SENP1: variants seen among roughly 807,000 people sequenced by gnomAD.
The protein encoded by SENP1 is SUMO specific peptidase 1.
SENP1 carries 21 observed loss-of-function variants against 93.0 expected under a neutral mutation model. The ratio of observed to expected loss-of-function variants is 0.23; its 90% CI spans 0.16 to 0.33. The LOEUF (loss-of-function observed/expected upper bound fraction) is 0.33, where lower values mean the gene tolerates loss of function less well. Among genes scored for constraint, SENP1 ranks in the 10% least tolerant of loss-of-function variants. SENP1 has a pLI of 1.00. For synonymous variants in SENP1, 256 were observed against 259.6 expected (o/e 0.99, Z 0.13); for missense variants, 591 against 758.7 (o/e 0.78, Z 2.60).
chr12:48,105,929 G>A (rs545052559), intron 1 of SENP1, 99 bp downstream of exon 1: 8 of 675,194 alleles, frequency 1.2e-5, no homozygotes, highest in South Asian at 1.1e-4. Context: ...CCCCGCTTCC[G>A]CCCAGTCCAG....
At chr12:48,081,923 CTG>C (rs1944521293) in intron 6 of SENP1, among the ~76,000 whole-genome samples, 1 of 151,772 alleles carries the variant, frequency 6.6e-6, no homozygotes. Context: ...GCTTCTCACT[CTG>C]TCACCCAGGC....
intron 13 of SENP1, among the ~76,000 whole-genome samples, chr12:48,056,584 CATATATAAATATATTATTTAAT>C (rs1942423968): frequency 2.6e-4 from 15 of 57,602 alleles, no homozygotes; most frequent in African/African-American, 7.2e-4. Flanking sequence ...TAATATATTA[CATATATAAATATATTATTTAAT>C]ATATTACATA....
At chr12:48,065,572 T>C (rs1380190248) in intron 11 of SENP1, 24 bp downstream of exon 11, 2 of 1,450,780 alleles carry the variant, frequency 1.4e-6, no homozygotes, top group Admixed American at 4.1e-5. Context: ...TTATTTGTAA[T>C]ATTATTCCAA....
intron 4 of SENP1, among the ~76,000 whole-genome samples, chr12:48,095,085 C>T (rs996457821): frequency 6.6e-6 from 1 of 152,174 alleles, no homozygotes; most frequent in South Asian, 2.1e-4. Context: ...AAGTATCACC[C>T]ACCTAAATCA....
At chr12:48,096,079 T>G (rs1472298943) in intron 4 of SENP1, among the ~76,000 whole-genome samples, 1 of 152,238 alleles carries the variant, frequency 6.6e-6, no homozygotes, top group Non-Finnish European at 1.5e-5. Context: ...AACAAAGTTG[T>G]ATTGCTTTTT....
At chr12:48,065,558 C>T in intron 11 of SENP1, 38 bp downstream of exon 11, 1 of 1,341,158 alleles carries the variant, frequency 7.5e-7, no homozygotes, top group Non-Finnish European at 1.0e-6. Flanking sequence ...CTTTGATGTA[C>T]TATTTATTTG....
intron 6 of SENP1, chr12:48,081,381 C>CT (rs987361725): frequency 2.6e-5 from 4 of 152,140 alleles, no homozygotes; most frequent in Non-Finnish European, 4.4e-5. Flanking sequence ...AGCATGGCCC[C>CT]TGTACAACGA....
intron 4 of SENP1, among the ~76,000 whole-genome samples, chr12:48,092,694 A>C (rs17671086): frequency 0.029 from 4,349 of 152,006 alleles, 86 homozygotes; most frequent in Non-Finnish European, 0.037. Context: ...TTTCTTCTCC[A>C]AAAAAAAGGT....
At chr12:48,089,209 A>C (rs1945074591) in intron 4 of SENP1, 1 of 1,483,570 alleles carries the variant, frequency 6.7e-7, no homozygotes, top group Non-Finnish European at 9.0e-7. Context: ...CATGTGCCTT[A>C]TCTGCATCAA....
In SENP1 at chr12:48,049,152, C is replaced by G; in HGVS notation, c.1408-20G>C. On this transcript the variant is annotated intron_variant, in intron 13 of 17. Transcript: ENST00000549518. ...GATGATCTGTGGGAAGAAATTACAC[C>G]TATTAGAATAGACACTCAGGCCTAG... 2 of 1,587,990 alleles carry G rather than the reference C, an allele frequency of 1.3e-6. No individual in the cohort carries two copies. Among genetic ancestry groups the G allele is most frequent in the Non-Finnish European group, 1.7e-6 (2 of 1,156,736 alleles).
Position 48,086,577 on chromosome 12 carries a change from CTGTT to C in SENP1, c.380+2220_380+2223del, listed in dbSNP as rs757012547. On this transcript the variant is annotated intron_variant, in intron 5 of 17. Transcript: ENST00000549518. ...ATAATAGGAGAACCAAAACAAGATA[CTGTT>C]TGTTTTTCAAATGTGATAAATGCAG... 2.6e-5 allele frequency among the ~76,000 whole-genome samples: 4 copies of C among 152,182 alleles called. No homozygotes were observed. The South Asian group carries it at 6.2e-4, about 24-fold the overall frequency.
intron 12 of SENP1, among the ~76,000 whole-genome samples, chr12:48,064,171 G>A (rs929266159): frequency 6.6e-6 from 1 of 152,038 alleles, no homozygotes; most frequent in Non-Finnish European, 1.5e-5. Context: ...TTATATCTCT[G>A]GTCCAAATGA....
At position 48,045,276 on chromosome 12, in the gene SENP1, AG is replaced by A; in HGVS notation, c.*45del. On this transcript the variant is annotated 3_prime_UTR_variant, in exon 18 of 18. Coordinates refer to ENST00000549518, the MANE Select transcript of SENP1 (RefSeq NM_001267594.2). ...CAAGGTCTCTGGCTGTAGACAACAA[AG>A]AGCTGGTCCCCCACATGGTCAAGGT... The A allele has an allele frequency of 6.5e-7, 1 of 1,531,842 alleles. No individual in the cohort carries two copies. The highest frequency in any genetic ancestry group is 9.0e-7 in the Non-Finnish European group (1 of 1,106,406). 94.9% of individuals were successfully genotyped at this position (1,531,842 alleles called of 1,614,324 possible).
chr12:48,058,008 G>A (rs1386384901), intron 13 of SENP1, among the ~76,000 whole-genome samples: 2 of 140,872 alleles, frequency 1.4e-5, no homozygotes, highest in East Asian at 2.1e-4. Context: ...GTGCAGTGGC[G>A]TGATCTCAGT....
In SENP1 at chr12:48,063,734, G is replaced by A; in HGVS notation, c.1383C>T (p.Asn461=). 1.2e-6 allele frequency: 2 copies of A among 1,613,188 alleles called. No homozygotes were observed. The highest frequency in any genetic ancestry group is 1.7e-6 in the Non-Finnish European group (2 of 1,179,438). ...CCTCATCATTGAGCCAATTCAGATG[G>A]TTTAGAGTTTGAATATCTTTGCGTG... ...TITRKDIQTL[N]HLNWLNDEII... is the part of the protein sequence containing the mutation. The change falls in exon 13 of 18, where the codon AAC becomes AAT. Residue 461 remains asparagine (N), a synonymous_variant. Transcript: ENST00000549518.
intron 3 of SENP1, among the ~76,000 whole-genome samples, chr12:48,096,707 C>T (rs374104620): frequency 1.3e-4 from 20 of 152,150 alleles, no homozygotes; most frequent in African/African-American, 4.1e-4. Context: ...CCGCCCACCT[C>T]GGCCTCCCAA....
intron 13 of SENP1, among the ~76,000 whole-genome samples, chr12:48,053,446 C>A (rs915179122): frequency 4.9e-5 from 7 of 143,326 alleles, no homozygotes; most frequent in Non-Finnish European, 7.5e-5. Context: ...CCACTGCACT[C>A]TAGCCTGGAT....
In SENP1 at chr12:48,048,795, T is replaced by C. The variant is rs1006235402; in HGVS notation, c.1611+134A>G. ...ATAGGAAGTTCATAGATCTATCTGA[T>C]TTTAGTCAACCTACTACTAAACACT... On this transcript the variant is annotated intron_variant, in intron 14 of 17. Transcript: ENST00000549518. 8 of 645,868 alleles carry C rather than the reference T, an allele frequency of 1.2e-5. No individual in the cohort carries two copies. The Admixed American group carries it at 1.4e-4, about 12-fold the overall frequency. The allele number at this position is 645,868 out of a possible 1,614,324, so 40.0% of individuals were successfully genotyped here.
intron 6 of SENP1, among the ~76,000 whole-genome samples, chr12:48,078,019 T>C (rs574449801): frequency 1.3e-5 from 2 of 152,194 alleles, no homozygotes; most frequent in East Asian, 3.9e-4. Context: ...TTGAGTAGTA[T>C]GGCCATTTAA....
Sources: allele counts gnomAD v4.1 joint callset (sites outside exome capture counted in the v4.1 genomes callset), GRCh38; gene constraint gnomAD v4.1.1; transcripts MANE v1.5; gene names NCBI Gene and HGNC (gene_info 2026-07-23, HGNC 2026-07-21).